The following LYST variants were observed in gnomAD, a reference collection of about 807,000 sequenced individuals.
LYST encodes lysosomal-trafficking regulator.
In LYST, 192 loss-of-function variants were observed where a neutral mutation model predicts 413.6. That is an observed-to-expected ratio of 0.46 (90% CI 0.41 to 0.52). LYST has a LOEUF of 0.52. Among genes scored for constraint, LYST ranks in the 20% least tolerant of loss-of-function variants. LYST has a pLI of 0.00. For synonymous variants in LYST, 1,525 were observed against 1,567.3 expected (o/e 0.97, Z 0.64); for missense variants, 3,815 against 4,499.9 (o/e 0.85, Z 4.35).
intron 8 of LYST, 137 bp from the exon 9 acceptor site, chr1:235,801,234 A>G: frequency 1.5e-6 from 1 of 659,900 alleles, no homozygotes; most frequent in Non-Finnish European, 2.7e-6. Context: ...ATCTTTTCCT[A>G]TAACACAACT....
Position 235,664,194 on chromosome 1 carries a change from G to A in LYST, c.11196-139C>T, listed in dbSNP as rs1022952394. The A allele has an allele frequency of 1.3e-6, 1 of 775,022 alleles. No individual in the cohort carries two copies. Among genetic ancestry groups the A allele is most frequent in the Non-Finnish European group, 2.2e-6 (1 of 448,134 alleles). The allele number at this position is 775,022 out of a possible 1,614,324, so 48.0% of individuals were successfully genotyped here. On this transcript the variant is annotated intron_variant, in intron 51 of 52. Coordinates refer to ENST00000389793, the MANE Select transcript of LYST (RefSeq NM_000081.4). This position sits in a 1 kb window ranked among gnomAD's most constrained non-coding sequence, Gnocchi z 4.5. ...AACAGTAGTTCCCTCTAGGGAGTTT[G>A]CAGGGGGTAGATGTGGGAATAAGAG...
chr1:235,758,236 G>T (rs1459615605), intron 23 of LYST, among the ~76,000 whole-genome samples: 1 of 152,172 alleles, frequency 6.6e-6, no homozygotes, highest in Non-Finnish European at 1.5e-5. Flanking sequence ...CATCACCAAA[G>T]CAAGGTCATC....
chr1:235,762,127 A>T (rs1667657694), intron 22 of LYST, among the ~76,000 whole-genome samples: 1 of 147,614 alleles, frequency 6.8e-6, no homozygotes, highest in Non-Finnish European at 1.5e-5. Context: ...GTGTAATTAT[A>T]AAAAAAAAAG....
intron 19 of LYST, among the ~76,000 whole-genome samples, chr1:235,771,546 G>A (rs1207235202): frequency 6.6e-6 from 1 of 151,088 alleles, no homozygotes; most frequent in African/African-American, 2.4e-5. Flanking sequence ...TGCTATCCCT[G>A]TAATTATTTG....
chr1:235,860,186 A>T (rs747487098), intron 1 of LYST, among the ~76,000 whole-genome samples: 2 of 152,074 alleles, frequency 1.3e-5, no homozygotes, highest in Non-Finnish European at 2.9e-5. Context: ...TTAAAAAAAG[A>T]CTTTATTTTT....
At chr1:235,741,255 A>G (rs1427033402) in intron 31 of LYST, among the ~76,000 whole-genome samples, 167 bp downstream of exon 31, 1 of 152,208 alleles carries the variant, frequency 6.6e-6, no homozygotes, top group Non-Finnish European at 1.5e-5. Context: ...GGTTAAATTG[A>G]GCCTGTGTGA....
rs779442177 is a variant in LYST at position 235,728,108 on chromosome 1, C to T, written c.9130G>A (p.Glu3044Lys). The change falls in exon 38 of 53, where the codon GAA becomes AAA. Residue 3044 changes from glutamate to lysine, a missense_variant. Around this residue, in one of 4 missense-constraint regions of LYST, gnomAD observed 866 missense variants for 1,156.0 expected, o/e 0.75. Transcript: ENST00000389793. Reference sequence around the variant, plus strand: ...TCAACTGTATCAGAAGCATTATCTTCCACAAAATACATTCCACATTTACCT... The same window carrying T: ...TCAACTGTATCAGAAGCATTATCTTTCACAAAATACATTCCACATTTACCT... ...LLGKCGMYFV[E>K]DNASDTVESS... 1 of 1,612,536 alleles carries T rather than the reference C, an allele frequency of 6.2e-7. No individual in the cohort carries two copies. Among genetic ancestry groups the T allele is most frequent in the Non-Finnish European group, 8.5e-7 (1 of 1,178,760 alleles).
chr1:235,876,767 C>T (rs1038204361), intron 1 of LYST, among the ~76,000 whole-genome samples: 1 of 152,202 alleles, frequency 6.6e-6, no homozygotes, highest in Non-Finnish European at 1.5e-5. Context: ...TTGAGAGGCA[C>T]AGTCCTGTCA....
chr1:235,799,061 A>G (rs1213809008), intron 10 of LYST, among the ~76,000 whole-genome samples: 1 of 152,206 alleles, frequency 6.6e-6, no homozygotes, highest in African/African-American at 2.4e-5. Context: ...CAGAGTTAAA[A>G]ACACATATTC....
In LYST at chr1:235,830,303, T is replaced by C. The variant is rs1675815529; in HGVS notation, c.115A>G (p.Met39Val). 5.0e-6 allele frequency: 8 copies of C among 1,614,090 alleles called. No individual in the cohort carries two copies. In the South Asian group the frequency reaches 5.5e-5, roughly 11 times the overall value. ...ACAAGGTACTGTCCAAGGGTTGCCATGTGCGTCTCCTCCTCTTCTTCCTCC... is the reference window on the plus strand; with the variant it reads ...ACAAGGTACTGTCCAAGGGTTGCCACGTGCGTCTCCTCCTCTTCTTCCTCC... ...AREEEEEETH[M>V]ATLGQYLVHG... is the part of the protein sequence containing the mutation. The change falls in exon 3 of 53, where the codon ATG becomes GTG. Residue 39 changes from methionine to valine, a missense_variant. Physicochemically the swap from Met to Val is conservative, Grantham distance 21. Transcript: ENST00000389793.
In LYST at chr1:235,809,832, C is replaced by A; in HGVS notation, c.986G>T (p.Arg329Leu). The change falls in exon 5 of 53, where the codon CGA becomes CTA. Residue 329 changes from arginine (R) to leucine (L), a missense_variant. Arg to Leu is a moderately radical substitution (Grantham distance 102). This residue lies in a region of LYST where 1,648 missense variants were observed against 1,810.3 expected (regional missense o/e 0.91). Coordinates refer to ENST00000389793, the MANE Select transcript of LYST (RefSeq NM_000081.4). The surrounding 1 kb of genome is among the most constrained non-coding windows in gnomAD (Gnocchi z 4.0). ...TACTGACAGAAGATGCAACACTGTT[C>A]GAAAGAGCATCCTTTGAATCAAAGC... Reference protein sequence around the residue: ...PVALIQRMLFRTVLHLLSVDV... With the variant: ...PVALIQRMLFLTVLHLLSVDV... 18 of 1,613,928 alleles carry A rather than the reference C, an allele frequency of 1.1e-5. No individual in the cohort carries two copies. Among genetic ancestry groups the A allele is most frequent in the Non-Finnish European group, 1.5e-5 (18 of 1,179,954 alleles).
chr1:235,868,351 A>G (rs1228285108), upstream of LYST, among the ~76,000 whole-genome samples: 1 of 152,146 alleles, frequency 6.6e-6, no homozygotes, highest in Non-Finnish European at 1.5e-5. Flanking sequence ...TGCTAGGTGC[A>G]TGGGCCTGAA....
chr1:235,743,806 G>A (rs1346189852), intron 30 of LYST, among the ~76,000 whole-genome samples, 173 bp downstream of exon 30: 1 of 152,136 alleles, frequency 6.6e-6, no homozygotes, highest in African/African-American at 2.4e-5. Context: ...TTTTGGAAAG[G>A]TGAATTAGCA....
At chr1:235,714,190 T>A (rs572086480) in intron 42 of LYST, among the ~76,000 whole-genome samples, 1 of 152,318 alleles carries the variant, frequency 6.6e-6, no homozygotes, top group Non-Finnish European at 1.5e-5. Context: ...GGCTTAAACA[T>A]TGGTTTTAAA....
rs376246381 is a variant in LYST, at chr1:235,802,894, C to T, written c.3712+14G>A. 9.3e-6 allele frequency: 15 copies of T among 1,612,478 alleles called. No individual in the cohort carries two copies. The African/African-American group carries it at 1.6e-4, about 17-fold the overall frequency. On this transcript the variant is annotated intron_variant, in intron 8 of 52. Transcript: ENST00000389793. ...CTTGCAGATCTAATTACAAGCACTT[C>T]AATGATATTTTACCATCATCCTGGG...
rs1364834646 is a variant in LYST, at chr1:235,826,744, G to A, written c.192+3482C>T. 2.0e-5 allele frequency among the ~76,000 whole-genome samples: 3 copies of A among 152,282 alleles called. No homozygotes were observed. The South Asian group carries it at 6.2e-4, about 32-fold the overall frequency. On this transcript the variant is annotated intron_variant, in intron 3 of 52. Coordinates refer to ENST00000389793, the MANE Select transcript of LYST (RefSeq NM_000081.4). ...CACCCAGGTCAGAGTGCAGTGGCACGACCATGGCTCACTGCAGCCTTGATT... is the reference window on the plus strand; with the variant it reads ...CACCCAGGTCAGAGTGCAGTGGCACAACCATGGCTCACTGCAGCCTTGATT...
intron 1 of LYST, among the ~76,000 whole-genome samples, chr1:235,875,312 TTAAC>T (rs1681089534): frequency 6.6e-6 from 1 of 152,198 alleles, no homozygotes; most frequent in Admixed American, 6.5e-5. Context: ...CCTTTCATTT[TTAAC>T]TAAGGCATGT....
At chr1:235,802,456 A>G (rs559421151) in intron 8 of LYST, among the ~76,000 whole-genome samples, 4 of 152,262 alleles carry the variant, frequency 2.6e-5, no homozygotes, top group African/African-American at 7.2e-5. Flanking sequence ...TGTATTATGT[A>G]TTCTTTATAA....
intron 47 of LYST, among the ~76,000 whole-genome samples, chr1:235,691,697 C>CTTTTTTTTTTTTT (rs774558822): frequency 2.2e-5 from 3 of 138,204 alleles, no homozygotes; most frequent in African/African-American, 2.9e-5. Context: ...ATCAGATTCT[C>CTTTTTTTTTTTTT]TCTTTTTTTT....
Sources: gnomAD v4.1 joint callset for allele counts (sites outside exome capture counted in the v4.1 genomes callset) on GRCh38, gnomAD v4.1.1 for gene constraint, gnomAD v4.1.1 regional missense constraint, Gnocchi (gnomAD v3.1) non-coding constraint, MANE v1.5 for transcripts, NCBI Gene and HGNC (gene_info 2026-07-23, HGNC 2026-07-21) for gene names.